Variants in FMN1 observed in about 807,000 individuals in gnomAD.
The protein encoded by FMN1 is formin-1.
FMN1 carries 110 observed loss-of-function variants against 132.4 expected under a neutral mutation model. The observed-to-expected ratio is 0.83, with a 90% confidence interval of 0.71 to 0.97. The LOEUF is 0.97. Ranked by LOEUF, FMN1 falls within the 50% of genes least tolerant of loss-of-function variation. The pLI, the probability that FMN1 is intolerant of heterozygous loss-of-function variation, is 0.00. For synonymous variants in FMN1, 722 were observed against 651.7 expected (o/e 1.11, Z -1.64); for missense variants, 1,792 against 1,705.3 (o/e 1.05, Z -0.90).
chr15:33,113,351 T>C (rs2039785656), intron 4 of FMN1, among the ~76,000 whole-genome samples: 1 of 152,238 alleles, frequency 6.6e-6, no homozygotes, highest in Non-Finnish European at 1.5e-5. Flanking sequence ...TTATCTATTG[T>C]TTTAAACTAT....
rs532421930 is a variant in FMN1, at chr15:33,012,979, T to C, written c.2162-4904A>G. 154 of 454,236 alleles carry C rather than the reference T, an allele frequency of 3.4e-4. 1 individual carries two copies. Among genetic ancestry groups the C allele is most frequent in the African/African-American group, 2.9e-3 (148 of 50,556 alleles). 28.1% of individuals were successfully genotyped at this position (454,236 alleles called of 1,614,324 possible). A position where few individuals can be genotyped will look rare whatever the true frequency, so the allele number is the denominator to read the frequency against. On this transcript the variant is annotated intron_variant, in intron 6 of 20. Transcript: ENST00000616417. The stretch of plus-strand genomic sequence containing the variant: ...CTTTGGAGGCAAAAGCTCTGGTTCC[T>C]ATGATGGTGGAAGCCAGTACTTTGC...
At chr15:33,121,276 G>A (rs1962528723) in intron 4 of FMN1, among the ~76,000 whole-genome samples, 1 of 152,190 alleles carries the variant, frequency 6.6e-6, no homozygotes, top group Non-Finnish European at 1.5e-5. Context: ...GCCTGATTCT[G>A]AGTTTCAATA....
chr15:33,053,979 C>T (rs527526234), intron 6 of FMN1, among the ~76,000 whole-genome samples: 1 of 152,136 alleles, frequency 6.6e-6, no homozygotes, highest in African/African-American at 2.4e-5. Flanking sequence ...TCACTGGACA[C>T]TGGTGAATGA....
chr15:32,928,202 T>C (rs1432745834), intron 9 of FMN1, among the ~76,000 whole-genome samples: 1 of 152,158 alleles, frequency 6.6e-6, no homozygotes, highest in East Asian at 1.9e-4. Flanking sequence ...ATCTCATTTT[T>C]CAGTCAATAT....
chr15:32,811,413 G>A (rs184965112), intron 17 of FMN1, among the ~76,000 whole-genome samples: 53 of 152,278 alleles, frequency 3.5e-4, no homozygotes, highest in Non-Finnish European at 6.6e-4. Context: ...CTAGTGTAGG[G>A]TGTAGGATTT....
chr15:33,113,529 A>G (rs1595499926), intron 4 of FMN1, among the ~76,000 whole-genome samples: 2 of 152,224 alleles, frequency 1.3e-5, no homozygotes, highest in Admixed American at 6.5e-5. Context: ...TTGCTCCTCC[A>G]TGAAGTACGA....
chr15:33,015,108 C>A (rs2034962183), intron 6 of FMN1, among the ~76,000 whole-genome samples: 1 of 152,166 alleles, frequency 6.6e-6, no homozygotes, highest in Non-Finnish European at 1.5e-5. Context: ...TAATATCATT[C>A]AGACCCAAAG....
At chr15:33,077,149 G>A (rs949570507) in intron 5 of FMN1, among the ~76,000 whole-genome samples, 4 of 152,020 alleles carry the variant, frequency 2.6e-5, no homozygotes, top group African/African-American at 9.7e-5. Context: ...TCCTGCCTCA[G>A]CCCCGAGTAG....
At chr15:32,937,660 C>T (rs1051995907) in intron 9 of FMN1, among the ~76,000 whole-genome samples, 7 of 152,150 alleles carry the variant, frequency 4.6e-5, no homozygotes, top group Admixed American at 2.0e-4. Flanking sequence ...TGCTCCCAGT[C>T]ACAAAGTGGC....
At chr15:33,087,828 T>C (rs2038758074) in intron 5 of FMN1, among the ~76,000 whole-genome samples, 1 of 152,072 alleles carries the variant, frequency 6.6e-6, no homozygotes, top group Non-Finnish European at 1.5e-5. Context: ...TATATACATA[T>C]ATACATATAC....
At chr15:33,179,423 A>C (rs1965622288) in intron 3 of FMN1, among the ~76,000 whole-genome samples, 1 of 152,198 alleles carries the variant, frequency 6.6e-6, no homozygotes, top group Non-Finnish European at 1.5e-5. Context: ...CTTTTGCCTG[A>C]ACTGCCCCAG....
chr15:32,868,061 G>A (rs909646339), intron 16 of FMN1, among the ~76,000 whole-genome samples: 5 of 152,192 alleles, frequency 3.3e-5, no homozygotes, highest in African/African-American at 1.2e-4. Flanking sequence ...TGTCTTGACA[G>A]AATTTGGCTG....
chr15:33,165,842 G>A lies in FMN1; in HGVS notation c.-131-10797C>T, dbSNP rs926462830. Among the ~76,000 whole-genome samples the A allele has an allele frequency of 2.0e-5, 3 of 152,178 alleles. No homozygotes were observed. The South Asian group carries it at 6.2e-4, about 32-fold the overall frequency. On this transcript the variant is annotated intron_variant, in intron 3 of 20. Coordinates refer to ENST00000616417, the MANE Select transcript of FMN1 (RefSeq NM_001277313.2). ...TCAAGGAGGAAGGTGGGGACCATGG[G>A]GGCTCTCCAAGACAAAGCTGATCTG... is the stretch of plus-strand genomic sequence containing the variant.
At chr15:32,953,540 C>G (rs1444054137) in intron 9 of FMN1, among the ~76,000 whole-genome samples, 1 of 152,156 alleles carries the variant, frequency 6.6e-6, no homozygotes, top group Non-Finnish European at 1.5e-5. Flanking sequence ...CAGGTCAGGT[C>G]TAAATGAAAT....
At chr15:33,138,081 A>G (rs537644338) in intron 4 of FMN1, among the ~76,000 whole-genome samples, 1 of 152,314 alleles carries the variant, frequency 6.6e-6, no homozygotes, top group Non-Finnish European at 1.5e-5. Flanking sequence ...AGAATAAAGG[A>G]CTGCTGTTGC....
intron 8 of FMN1, among the ~76,000 whole-genome samples, chr15:32,964,974 GAAA>G (rs1001748952): frequency 6.6e-6 from 1 of 152,160 alleles, no homozygotes; most frequent in African/African-American, 2.4e-5. Context: ...TTGAAGGGAA[GAAA>G]AGCTCTTGAG....
At chr15:32,927,742 G>GA (rs33945348) in intron 9 of FMN1, among the ~76,000 whole-genome samples, 1 of 151,972 alleles carries the variant, frequency 6.6e-6, no homozygotes, top group Non-Finnish European at 1.5e-5. Context: ...GCCACTAAGG[G>GA]AAAAAAACTC....
intron 7 of FMN1, among the ~76,000 whole-genome samples, chr15:32,985,454 G>C (rs1336959664): frequency 6.6e-6 from 1 of 152,104 alleles, no homozygotes; most frequent in Non-Finnish European, 1.5e-5. Context: ...CTGAATGAAT[G>C]AATTCTTCCA....
intron 19 of FMN1, among the ~76,000 whole-genome samples, chr15:32,795,536 T>C (rs2057255903): frequency 6.7e-6 from 1 of 150,262 alleles, no homozygotes; most frequent in Admixed American, 6.6e-5. Flanking sequence ...GATGTGACAA[T>C]CGGGTTCCCA....
Sources: allele counts gnomAD v4.1 joint callset (sites outside exome capture counted in the v4.1 genomes callset), GRCh38; gene constraint gnomAD v4.1.1; transcripts MANE v1.5; gene names NCBI Gene and HGNC (gene_info 2026-07-23, HGNC 2026-07-21).